The following FOXP1 variants were observed in gnomAD, a reference collection of about 807,000 sequenced individuals.
The protein encoded by FOXP1 is forkhead box protein P1.
FOXP1 carries 15 observed loss-of-function variants against 98.2 expected under a neutral mutation model. The observed-to-expected ratio is 0.15, with a 90% CI of 0.10 to 0.24. The LOEUF is 0.24. Among genes scored for constraint, FOXP1 ranks in the 10% least tolerant of loss-of-function variants. The pLI is 1.00. For missense variants in FOXP1, 633 were observed against 848.5 expected, an observed-to-expected ratio of 0.75 and a Z score of 3.15; for synonymous variants, 371 against 314.5, an observed-to-expected ratio of 1.18 and a Z score of -1.90.
At chr3:71,230,780 A>T (rs1183845497) in intron 5 of FOXP1, among the ~76,000 whole-genome samples, 6 of 152,236 alleles carry the variant, frequency 3.9e-5, no homozygotes, top group Admixed American at 3.9e-4. Context: ...TTTGATACTG[A>T]TTCCAAAACG....
At chr3:71,081,280 T>G (rs1038485936) in intron 7 of FOXP1, among the ~76,000 whole-genome samples, 1 of 152,116 alleles carries the variant, frequency 6.6e-6, no homozygotes, top group African/African-American at 2.4e-5. Context: ...GCACCTGTAC[T>G]CAGCTCAGTA....
At position 71,426,135 on chromosome 3, in the gene FOXP1, A is replaced by G. The variant is rs992356069; in HGVS notation, c.-167-66891T>C. ...GGTGATACCTCTTGACCTAAGAGCTAGAAAACAGGGCACTCTGGAAATGCA... is the reference window on the plus strand; with the variant it reads ...GGTGATACCTCTTGACCTAAGAGCTGGAAAACAGGGCACTCTGGAAATGCA... On this transcript the variant is annotated intron_variant, in intron 3 of 20. Transcript: ENST00000649528. Among the ~76,000 whole-genome samples the G allele has an allele frequency of 3.3e-5, 5 of 152,248 alleles. No individual in the cohort carries two copies. In the East Asian group the frequency reaches 5.8e-4, roughly 18 times the overall value.
At chr3:70,976,792 T>C in intron 17 of FOXP1, 149 bp downstream of exon 17, 2 of 653,270 alleles carry the variant, frequency 3.1e-6, no homozygotes, top group South Asian at 3.3e-5. Context: ...GGCACTATTT[T>C]CCCAATCAAA....
At chr3:71,242,764 GA>G (rs56035810) in intron 5 of FOXP1, among the ~76,000 whole-genome samples, 13,562 of 140,182 alleles carry the variant, frequency 0.097, 710 homozygotes, top group East Asian at 0.29. Flanking sequence ...GCCCAAAAAG[GA>G]AAAAAAAAAA....
At chr3:71,385,247 G>A (rs1415498053) in intron 3 of FOXP1, among the ~76,000 whole-genome samples, 2 of 152,180 alleles carry the variant, frequency 1.3e-5, no homozygotes, top group South Asian at 2.1e-4. Context: ...TGACCACACT[G>A]TCAGCCCTTA....
At chr3:71,071,106 C>G (rs971526522) in intron 7 of FOXP1, among the ~76,000 whole-genome samples, 2 of 152,182 alleles carry the variant, frequency 1.3e-5, no homozygotes, top group African/African-American at 4.8e-5. Flanking sequence ...TACACAGACA[C>G]TCACACCCTG....
chr3:71,440,520 A>C (rs1422134520), intron 3 of FOXP1, among the ~76,000 whole-genome samples: 3 of 152,114 alleles, frequency 2.0e-5, no homozygotes, highest in Non-Finnish European at 4.4e-5. Context: ...TACTAAAAAT[A>C]CAAGAAAGTT....
Position 71,210,620 on chromosome 3 carries a change from GCTGGAA to G in FOXP1, c.-11-12234_-11-12229del, listed in dbSNP as rs756203947. Among the ~76,000 whole-genome samples the G allele has an allele frequency of 7.2e-5, 11 of 152,314 alleles. No homozygotes were observed. The East Asian group carries it at 1.2e-3, about 16-fold the overall frequency. On this transcript the variant is annotated intron_variant, in intron 5 of 20. Coordinates refer to ENST00000649528, the MANE Select transcript of FOXP1 (RefSeq NM_001349338.3). ...ACTGATTGATGATGCAAGTCCGGCT[GCTGGAA>G]CAACTAACAGAGAGAATCTTCCCTC...
At chr3:71,371,925 C>T (rs547523849) in intron 3 of FOXP1, among the ~76,000 whole-genome samples, 1 of 152,340 alleles carries the variant, frequency 6.6e-6, no homozygotes, top group African/African-American at 2.4e-5. Context: ...TTATTCCTTA[C>T]TCTGAGGCTT....
chr3:71,250,702 G>A (rs1005878138), intron 5 of FOXP1, among the ~76,000 whole-genome samples: 1 of 152,196 alleles, frequency 6.6e-6, no homozygotes, highest in Admixed American at 6.5e-5. Context: ...AGGCTGAGGT[G>A]GGCAGATCAC....
At chr3:71,015,691 G>T in intron 11 of FOXP1, 38 bp from the exon 12 acceptor site, 1 of 1,435,192 alleles carries the variant, frequency 7.0e-7, no homozygotes, top group Non-Finnish European at 9.8e-7. Context: ...GAATGAATTT[G>T]CTGCCAAGAA....
chr3:71,378,403 T>C (rs946311225), intron 3 of FOXP1, among the ~76,000 whole-genome samples: 3 of 152,084 alleles, frequency 2.0e-5, no homozygotes, highest in Admixed American at 2.0e-4. Context: ...GGTCTGAAAA[T>C]ATTAAATGGA....
chr3:71,345,186 G>A (rs1278388303), intron 4 of FOXP1, among the ~76,000 whole-genome samples: 4 of 151,962 alleles, frequency 2.6e-5, no homozygotes, highest in East Asian at 1.9e-4. Context: ...TCAGGAGATC[G>A]AGATCATACT....
At chr3:70,985,002 C>CACTT (rs1182257378) in intron 14 of FOXP1, among the ~76,000 whole-genome samples, 1 of 152,184 alleles carries the variant, frequency 6.6e-6, no homozygotes. Context: ...CAGCAAATGA[C>CACTT]ACTTAACACC....
chr3:71,262,885 C>T (rs755007748), intron 5 of FOXP1, among the ~76,000 whole-genome samples: 2 of 152,234 alleles, frequency 1.3e-5, no homozygotes, highest in South Asian at 4.1e-4. Context: ...GATCTTGAGC[C>T]GTTGCAAAGG....
intron 3 of FOXP1, among the ~76,000 whole-genome samples, chr3:71,454,376 T>C (rs1577601157): frequency 6.6e-6 from 1 of 152,240 alleles, no homozygotes; most frequent in East Asian, 1.9e-4. Context: ...ACAGACGTGG[T>C]TACCCACTGA....
chr3:71,115,208 G>A (rs1386937894), intron 6 of FOXP1, among the ~76,000 whole-genome samples: 1 of 151,804 alleles, frequency 6.6e-6, no homozygotes, highest in Non-Finnish European at 1.5e-5. Flanking sequence ...CACATTTAAG[G>A]CTAAAATAAA....
intron 5 of FOXP1, among the ~76,000 whole-genome samples, chr3:71,245,859 G>C (rs1297700885): frequency 2.1e-5 from 3 of 145,168 alleles, no homozygotes; most frequent in Non-Finnish European, 4.5e-5. Context: ...TCATCCTTTA[G>C]AAATTAGCTA....
chr3:71,569,917 G>A (rs1406132344), intron 2 of FOXP1, among the ~76,000 whole-genome samples: 1 of 152,120 alleles, frequency 6.6e-6, no homozygotes, highest in Admixed American at 6.5e-5. Context: ...CGAGTAGCTG[G>A]GACTACAGGC....
Sources: allele counts gnomAD v4.1 joint callset (sites outside exome capture counted in the v4.1 genomes callset), GRCh38; gene constraint gnomAD v4.1.1; transcripts MANE v1.5; gene names NCBI Gene and HGNC (gene_info 2026-07-23, HGNC 2026-07-21).